FHIP1A: variants seen among roughly 807,000 people sequenced by gnomAD.
FHIP1A encodes FHF complex subunit HOOK-interacting protein 1A.
Under a neutral mutation model 88.6 loss-of-function variants are expected in FHIP1A, and 61 were observed. The observed-to-expected ratio is 0.69, with a 90% confidence interval of 0.56 to 0.85. FHIP1A has a LOEUF of 0.85. Ranked by LOEUF, FHIP1A falls within the 40% of genes least tolerant of loss-of-function variation. FHIP1A has a pLI of 0.00. For missense variants in FHIP1A, 1,154 were observed against 1,273.5 expected, an observed-to-expected ratio of 0.91 and a Z score of 1.43; for synonymous variants, 478 against 496.0, an observed-to-expected ratio of 0.96 and a Z score of 0.48.
intron 3 of FHIP1A, among the ~76,000 whole-genome samples, chr4:151,525,961 T>C (rs1307543450): frequency 6.6e-6 from 1 of 151,902 alleles, no homozygotes; most frequent in African/African-American, 2.4e-5. Context: ...TGATGACTCT[T>C]AAGGAGCATG....
At chr4:151,437,842 AACT>A (rs1265094713) in intron 1 of FHIP1A, among the ~76,000 whole-genome samples, 5 of 152,244 alleles carry the variant, frequency 3.3e-5, no homozygotes, top group Admixed American at 3.3e-4. Context: ...TACAGTTGGT[AACT>A]TTTTATAATG....
At chr4:151,507,517 T>C (rs1401839149) in intron 3 of FHIP1A, among the ~76,000 whole-genome samples, 2 of 152,314 alleles carry the variant, frequency 1.3e-5, no homozygotes, top group Middle Eastern at 3.4e-3. Context: ...ATTTAATATG[T>C]GTATTTATTA....
rs145462328 is a variant in FHIP1A, at chr4:151,626,315, G to A, written c.979-3387G>A. On this transcript the variant is annotated intron_variant, in intron 7 of 13. Transcript: ENST00000435205. ...GCTTAAGGGATTGGTGAAGATTCTC[G>A]GCATGAAGAAGGACCCGGACAAGGG... Among the ~76,000 whole-genome samples, 10 of 152,266 alleles carry A rather than the reference G, an allele frequency of 6.6e-5. No individual in the cohort carries two copies. In the East Asian group the frequency reaches 1.9e-3, roughly 29 times the overall value.
intron 3 of FHIP1A, among the ~76,000 whole-genome samples, chr4:151,517,637 G>A (rs1731292380): frequency 6.6e-6 from 1 of 151,932 alleles, no homozygotes; most frequent in African/African-American, 2.4e-5. Flanking sequence ...AGATGCCTTG[G>A]TCAATGATAG....
chr4:151,588,882 T>G lies in FHIP1A; in HGVS notation c.934T>G (p.Tyr312Asp). The G allele has an allele frequency of 6.4e-7, 1 of 1,551,428 alleles. No individual in the cohort carries two copies. Among genetic ancestry groups the G allele is most frequent in the Non-Finnish European group, 8.7e-7 (1 of 1,146,772 alleles). The stretch of plus-strand genomic sequence containing the variant: ...TCGAAATCAGCTTGTCAATTACATT[T>G]ACAATGGATTTTTGGTACCAGTCTT... ...LIRNQLVNYI[Y>D]NGFLVPVLAP... The change falls in exon 7 of 14, where the codon TAC becomes GAC. Residue 312 changes from tyrosine (Y) to aspartate (D), a missense_variant. Coordinates refer to ENST00000435205, the MANE Select transcript of FHIP1A (RefSeq NM_001109977.3).
chr4:151,612,486 T>C (rs111981907), intron 7 of FHIP1A, among the ~76,000 whole-genome samples: 2,159 of 152,316 alleles, frequency 0.014, 45 homozygotes, highest in African/African-American at 0.045. Flanking sequence ...CTTCATGCAA[T>C]TCTCCTGCCT....
At chr4:151,601,250 A>G (rs886163714) in intron 7 of FHIP1A, among the ~76,000 whole-genome samples, 1 of 152,006 alleles carries the variant, frequency 6.6e-6, no homozygotes, top group Non-Finnish European at 1.5e-5. Flanking sequence ...TGGAAAGCAT[A>G]TGGAAGGGAA....
intron 8 of FHIP1A, among the ~76,000 whole-genome samples, chr4:151,632,294 A>G (rs547976326): frequency 4.0e-4 from 60 of 151,324 alleles, no homozygotes; most frequent in Admixed American, 1.8e-3. Flanking sequence ...ATATATGTGT[A>G]TATATATATA....
intron 11 of FHIP1A, among the ~76,000 whole-genome samples, chr4:151,651,813 C>A (rs73862077): frequency 0.013 from 1,952 of 152,312 alleles, 57 homozygotes; most frequent in African/African-American, 0.045. Context: ...TTTGTATATA[C>A]AGGAAGAAAG....
rs184459773 is a variant in FHIP1A at position 151,471,160 on chromosome 4, G to A, written c.-247-11364G>A. On this transcript the variant is annotated intron_variant, in intron 2 of 13. Coordinates refer to ENST00000435205, the MANE Select transcript of FHIP1A (RefSeq NM_001109977.3). The stretch of plus-strand genomic sequence containing the variant: ...CAATCAGTCCTCCAACCTGTGTGGT[G>A]GTCTTTACATTTCTTGGAAACATAA... Among the ~76,000 whole-genome samples the A allele has an allele frequency of 4.5e-4, 69 of 152,056 alleles. No individual in the cohort carries two copies. In the East Asian group the frequency reaches 9.1e-3, roughly 20 times the overall value.
At chr4:151,598,448 G>T (rs771578917) in intron 7 of FHIP1A, among the ~76,000 whole-genome samples, 1 of 152,066 alleles carries the variant, frequency 6.6e-6, no homozygotes, top group Non-Finnish European at 1.5e-5. Context: ...GATCTTGCTG[G>T]GTGCTGCAGA....
At chr4:151,542,046 T>G (rs1425619814) in intron 3 of FHIP1A, among the ~76,000 whole-genome samples, 4 of 152,166 alleles carry the variant, frequency 2.6e-5, no homozygotes, top group African/African-American at 9.7e-5. Flanking sequence ...GCCTCTCCTT[T>G]CCTGTTAAGA....
chr4:151,411,322 G>T (rs1732630591), intron 1 of FHIP1A, among the ~76,000 whole-genome samples: 1 of 143,834 alleles, frequency 7.0e-6, no homozygotes, highest in African/African-American at 2.6e-5. Context: ...AACAAGAATT[G>T]CCTCTGAGGA....
At chr4:151,534,793 G>A (rs1409521304) in intron 3 of FHIP1A, 1 of 152,186 alleles carries the variant, frequency 6.6e-6, no homozygotes, top group African/African-American at 2.4e-5. Context: ...GGAGTTTAAA[G>A]CAGTACAACT....
chr4:151,441,446 A>G (rs895555331), intron 1 of FHIP1A, among the ~76,000 whole-genome samples: 2 of 152,124 alleles, frequency 1.3e-5, no homozygotes, highest in South Asian at 4.1e-4. Context: ...TGGCAATTGA[A>G]TTGATTGTGT....
intron 3 of FHIP1A, among the ~76,000 whole-genome samples, chr4:151,506,486 C>T (rs1287463031): frequency 2.0e-5 from 3 of 152,168 alleles, no homozygotes; most frequent in Non-Finnish European, 4.4e-5. Context: ...ATAAGCATGG[C>T]ACCAGCATCT....
intron 3 of FHIP1A, among the ~76,000 whole-genome samples, chr4:151,565,023 C>T (rs17027703): frequency 0.034 from 5,146 of 152,152 alleles, 297 homozygotes; most frequent in African/African-American, 0.12. Flanking sequence ...AATAGCCGAT[C>T]GGTGTTCTCC....
chr4:151,539,199 T>C (rs1047633773), intron 3 of FHIP1A, among the ~76,000 whole-genome samples: 4 of 152,222 alleles, frequency 2.6e-5, no homozygotes, highest in African/African-American at 9.6e-5. Context: ...ACTTAACTGA[T>C]ACTTTTTTAA....
intron 5 of FHIP1A, among the ~76,000 whole-genome samples, chr4:151,580,951 G>A (rs556583093): frequency 5.3e-4 from 80 of 151,836 alleles, no homozygotes; most frequent in Non-Finnish European, 9.4e-4. Context: ...TCCGCCTCCC[G>A]GGTTCAAGTG....
Sources: allele counts gnomAD v4.1 joint callset (sites outside exome capture counted in the v4.1 genomes callset), GRCh38; gene constraint gnomAD v4.1.1; transcripts MANE v1.5; gene names NCBI Gene and HGNC (gene_info 2026-07-23, HGNC 2026-07-21).